The following DNAH9 variants were observed in gnomAD, a reference collection of about 807,000 sequenced individuals.
DNAH9 encodes the protein dynein axonemal heavy chain 9.
Under a neutral mutation model 471.6 loss-of-function variants are expected in DNAH9, and 345 were observed. That is an observed-to-expected ratio of 0.73 (90% CI 0.67 to 0.80). DNAH9 has a LOEUF of 0.80. Among genes scored for constraint, DNAH9 ranks in the 30% least tolerant of loss-of-function variants. The probability of loss-of-function intolerance (pLI) is 0.00; values close to 1 mark genes in which losing one functional copy is unlikely to be tolerated. For missense variants in DNAH9, 5,407 were observed against 5,609.2 expected (o/e 0.96, Z 1.15); for synonymous variants, 2,093 against 2,123.6 (o/e 0.99, Z 0.40).
intron 45 of DNAH9, among the ~76,000 whole-genome samples, chr17:11,810,737 TCAGG>T (rs1969864119): frequency 1.3e-5 from 2 of 152,236 alleles, no homozygotes; most frequent in South Asian, 4.2e-4. Context: ...TTGAGGAAGC[TCAGG>T]CATTGGCAGG....
chr17:11,750,903 A>C (rs1271798758), intron 32 of DNAH9, among the ~76,000 whole-genome samples: 5 of 152,132 alleles, frequency 3.3e-5, no homozygotes, highest in Non-Finnish European at 5.9e-5. Context: ...TAAAGATAAA[A>C]GCTGAAATTA....
At chr17:11,682,476 A>T (rs2074151435) in intron 19 of DNAH9, among the ~76,000 whole-genome samples, 1 of 150,630 alleles carries the variant, frequency 6.6e-6, no homozygotes, top group Non-Finnish European at 1.5e-5. Context: ...TATTTTTATC[A>T]TTCATTCTTC....
chr17:11,905,620 G>A, intron 60 of DNAH9, 41 bp from the exon 61 acceptor site: 2 of 1,592,254 alleles, frequency 1.3e-6, no homozygotes, highest in Non-Finnish European at 1.7e-6. Context: ...TTTTGTGGCT[G>A]CTATATATGT....
At chr17:11,610,788 A>C (rs981660141) in intron 3 of DNAH9, among the ~76,000 whole-genome samples, 6 of 152,198 alleles carry the variant, frequency 3.9e-5, no homozygotes, top group African/African-American at 1.4e-4. Context: ...GGTTCACATC[A>C]GTATGTCCTC....
intron 59 of DNAH9, among the ~76,000 whole-genome samples, chr17:11,896,559 A>T (rs1160517936): frequency 6.6e-6 from 1 of 152,162 alleles, no homozygotes; most frequent in Non-Finnish European, 1.5e-5. Context: ...GGGAAATAAT[A>T]TACTGGGGAA....
chr17:11,798,469 G>C lies in DNAH9; in HGVS notation c.8420+676G>C, dbSNP rs77953169. 9.6e-3 allele frequency among the ~76,000 whole-genome samples: 1,357 copies of C among 141,220 alleles called. 8 individuals are homozygous for C. The highest frequency in any genetic ancestry group is 0.019 in the Middle Eastern group (5 of 264). The allele number at this position is 141,220 out of a possible 152,430, so 92.6% of individuals were successfully genotyped here. A position where few individuals can be genotyped will look rare whatever the true frequency, so the allele number is the denominator to read the frequency against. ...AAAAAAAAAAAAAAAGAGAGAGAGA[G>C]AGAGAGAGATAGAGGGTTTGTATTC... On this transcript the variant is annotated intron_variant, in intron 43 of 68. Transcript: ENST00000262442.
At chr17:11,789,659 A>G (rs1165504642) in intron 41 of DNAH9, among the ~76,000 whole-genome samples, 1 of 151,872 alleles carries the variant, frequency 6.6e-6, no homozygotes, top group East Asian at 1.9e-4. Flanking sequence ...TACTGTCTTA[A>G]TTTGATATCT....
At chr17:11,717,956 C>G (rs2074993936) in intron 26 of DNAH9, among the ~76,000 whole-genome samples, 1 of 152,138 alleles carries the variant, frequency 6.6e-6, no homozygotes, top group Non-Finnish European at 1.5e-5. Context: ...TGACTGCAAC[C>G]TCCTCCTCCC....
At chr17:11,942,278 C>G in intron 66 of DNAH9, 25 bp from the exon 67 acceptor site, 1 of 1,608,760 alleles carries the variant, frequency 6.2e-7, no homozygotes, top group Non-Finnish European at 8.5e-7. Flanking sequence ...CCTTTCTTAA[C>G]GCTGTGTTTC....
chr17:11,709,183 A>G (rs1404062615), intron 26 of DNAH9, among the ~76,000 whole-genome samples: 3 of 152,184 alleles, frequency 2.0e-5, no homozygotes, highest in African/African-American at 7.2e-5. Flanking sequence ...ACAATGCATT[A>G]TTTCTGAAAT....
In DNAH9 at chr17:11,795,532, C is replaced by T. The variant is rs146245721; in HGVS notation, c.8223+1868C>T. 3.0e-3 allele frequency among the ~76,000 whole-genome samples: 451 copies of T among 152,306 alleles called. 2 individuals carry two copies. The East Asian group carries it at 0.033, about 11-fold the overall frequency. ...TGTGACAGCCTTTTGAATGTTTAGA[C>T]AGCATTTTAAGTCACTTATTTTATT... On this transcript the variant is annotated intron_variant, in intron 42 of 68. Coordinates refer to ENST00000262442, the MANE Select transcript of DNAH9 (RefSeq NM_001372.4).
chr17:11,632,238 G>T (rs779563244), intron 7 of DNAH9, among the ~76,000 whole-genome samples: 12 of 152,174 alleles, frequency 7.9e-5, no homozygotes, highest in Non-Finnish European at 8.8e-5. Context: ...TAGCCCCATT[G>T]CTGGGGCTGT....
At chr17:11,751,403 C>G (rs553237666) in intron 32 of DNAH9, among the ~76,000 whole-genome samples, 39 of 151,928 alleles carry the variant, frequency 2.6e-4, no homozygotes, top group African/African-American at 9.4e-4. Context: ...AAAAATAATA[C>G]CCTTTGACCA....
chr17:11,635,734 A>C (rs536931930), intron 8 of DNAH9, among the ~76,000 whole-genome samples: 1 of 152,304 alleles, frequency 6.6e-6, no homozygotes, highest in Non-Finnish European at 1.5e-5. Flanking sequence ...CCAGAAAGTA[A>C]TTAAAAGCAT....
chr17:11,919,610 A>G lies in DNAH9; in HGVS notation c.11750-4204A>G, dbSNP rs1280668339. ...ATTGAAAGAGTACCAAAGCGCTTCG[A>G]AATTGAGAATCACAAGCTGGTGATG... On this transcript the variant is annotated intron_variant, in intron 61 of 68. Coordinates refer to ENST00000262442, the MANE Select transcript of DNAH9 (RefSeq NM_001372.4). Among the ~76,000 whole-genome samples, 3 of 152,068 alleles carry G rather than the reference A, an allele frequency of 2.0e-5. No homozygotes were observed. In the East Asian group the frequency reaches 5.8e-4, roughly 29 times the overall value.
chr17:11,665,633 A>T (rs1190090821), intron 15 of DNAH9, among the ~76,000 whole-genome samples: 1 of 152,248 alleles, frequency 6.6e-6, no homozygotes, highest in Non-Finnish European at 1.5e-5. Context: ...CTAGTGAATG[A>T]TGAAATGGAC....
intron 44 of DNAH9, among the ~76,000 whole-genome samples, chr17:11,809,639 A>G (rs748839926): frequency 6.6e-6 from 1 of 152,194 alleles, no homozygotes; most frequent in Non-Finnish European, 1.5e-5. Context: ...CCATGCTGGT[A>G]GCCCCAAGTA....
At chr17:11,859,602 T>G (rs1310251057) in intron 50 of DNAH9, among the ~76,000 whole-genome samples, 1 of 152,136 alleles carries the variant, frequency 6.6e-6, no homozygotes, top group African/African-American at 2.4e-5. Flanking sequence ...AGGAGTTTAA[T>G]CGGCTCACAG....
In DNAH9 at chr17:11,760,360, A is replaced by G. The variant is rs148439269; in HGVS notation, c.6995+2668A>G. On this transcript the variant is annotated intron_variant, in intron 35 of 68. Transcript: ENST00000262442. ...ATTTAGAACAAGAGATGGCAAGCTCATGTGTCTTTGTTTGTGCATGTGTGC... is the reference window on the plus strand; with the variant it reads ...ATTTAGAACAAGAGATGGCAAGCTCGTGTGTCTTTGTTTGTGCATGTGTGC... Among the ~76,000 whole-genome samples the G allele has an allele frequency of 1.8e-4, 28 of 152,204 alleles. No individual in the cohort carries two copies. The East Asian group carries it at 3.9e-3, about 21-fold the overall frequency.
Sources: allele counts gnomAD v4.1 joint callset (sites outside exome capture counted in the v4.1 genomes callset), GRCh38; gene constraint gnomAD v4.1.1; transcripts MANE v1.5; gene names NCBI Gene and HGNC (gene_info 2026-07-23, HGNC 2026-07-21).